The following DSG1 variants were observed in gnomAD, a reference collection of about 807,000 sequenced individuals.
DSG1 encodes the protein desmoglein 1, also known as desmoglein-1.
A neutral mutation model predicts 97.5 loss-of-function variants in DSG1; 39 were observed. The observed-to-expected ratio is 0.40, with a 90% CI of 0.31 to 0.52. The LOEUF is 0.52. Ranked by LOEUF, DSG1 falls within the 20% of genes least tolerant of loss-of-function variation. DSG1 has a pLI of 0.53. For synonymous variants in DSG1, 475 were observed against 443.4 expected, an observed-to-expected ratio of 1.07 and a Z score of -0.90; for missense variants, 1,311 against 1,295.4, an observed-to-expected ratio of 1.01 and a Z score of -0.18.
intron 11 of DSG1, 62 bp from the exon 12 acceptor site, chr18:31,343,388 G>C: frequency 1.0e-5 from 16 of 1,601,968 alleles, no homozygotes; most frequent in Non-Finnish European, 1.3e-5. Flanking sequence ...AAAAAATCAG[G>C]TTGTTTTGTT....
Position 31,328,294 on chromosome 18 carries a change from G to T in DSG1, c.322G>T (p.Glu108Ter). The T allele has an allele frequency of 6.2e-7, 1 of 1,613,472 alleles. No homozygotes were observed. The highest frequency in any genetic ancestry group is 1.1e-5 in the South Asian group (1 of 91,066). ...CTTTGTCATTAATCAGAAAACTGGT[G>T]AAATTAATATAACATCCATAGTTGA... ...GIFVINQKTG[E>*]INITSIVDRE... The change falls in exon 4 of 15, where the codon GAA (glutamate) becomes TAA (stop). Residue 108 changes from glutamate to a stop codon, truncating the protein, a stop_gained. Coordinates refer to ENST00000257192, the MANE Select transcript of DSG1 (RefSeq NM_001942.4). LOFTEE classifies it high-confidence loss of function.
chr18:31,348,203 G>C (rs1472366021), intron 14 of DSG1, among the ~76,000 whole-genome samples: 1 of 140,928 alleles, frequency 7.1e-6, no homozygotes, highest in Middle Eastern at 3.8e-3. Flanking sequence ...CCACCTATGA[G>C]TGAGAATATG....
chr18:31,332,923 G>A (rs1348303166), intron 6 of DSG1, among the ~76,000 whole-genome samples: 2 of 152,238 alleles, frequency 1.3e-5, no homozygotes, highest in South Asian at 2.1e-4. Context: ...CTGTAAGAAA[G>A]GGCTGTCAGA....
chr18:31,322,562 T>TTA (rs2071660933), intron 1 of DSG1, among the ~76,000 whole-genome samples: 1 of 152,204 alleles, frequency 6.6e-6, no homozygotes, highest in South Asian at 2.1e-4. Context: ...ATTCAACCCA[T>TTA]TAAGGTGCTG....
rs552985707 is a variant in DSG1, at chr18:31,332,043, C to G, written c.684+176C>G. Reference sequence around the variant, plus strand: ...TTTAAATGAAAAAGGGAGGATTTTTCAATTACGTTTTGTACTATTTTTCAT... The same window carrying G: ...TTTAAATGAAAAAGGGAGGATTTTTGAATTACGTTTTGTACTATTTTTCAT... On this transcript the variant is annotated intron_variant, in intron 6 of 14. Transcript: ENST00000257192. Among the ~76,000 whole-genome samples, 47 of 152,072 alleles carry G rather than the reference C, an allele frequency of 3.1e-4. 1 individual carries two copies. The highest frequency in any genetic ancestry group is 1.1e-3 in the African/African-American group (44 of 41,512).
rs1043556977 is a variant in DSG1 at position 31,331,585 on chromosome 18, G to C, written c.518-116G>C. Reference sequence around the variant, plus strand: ...GTTGAAGGAGTAGAAAGGGAAGACAGTGAAGTCCACATCATAAGGATCAAC... The same window carrying C: ...GTTGAAGGAGTAGAAAGGGAAGACACTGAAGTCCACATCATAAGGATCAAC... On this transcript the variant is annotated intron_variant, in intron 5 of 14. Transcript: ENST00000257192. 4 of 881,672 alleles carry C rather than the reference G, an allele frequency of 4.5e-6. No individual in the cohort carries two copies. The Admixed American group carries it at 8.1e-5, about 18-fold the overall frequency. The allele number at this position is 881,672 out of a possible 1,614,324, so 54.6% of individuals were successfully genotyped here. A position where few individuals can be genotyped will look rare whatever the true frequency, so the allele number is the denominator to read the frequency against.
In DSG1 at chr18:31,354,312, G is replaced by C. The variant is rs61730307; in HGVS notation, c.2116G>C (p.Ala706Pro). 1 of 1,614,084 alleles carries C rather than the reference G, an allele frequency of 6.2e-7. No individual in the cohort carries two copies. The highest frequency in any genetic ancestry group is 1.1e-5 in the South Asian group (1 of 91,086). Residue 706 changes from alanine (A) to proline (P), a missense_variant, in exon 15 of 15, where the codon GCA (alanine) becomes CCA (proline). Ala to Pro is a conservative substitution (Grantham distance 27, BLOSUM62 -1). Around this residue, in one of 3 missense-constraint regions of DSG1, gnomAD observed 1,038 missense variants for 964.6 expected, o/e 1.08. Coordinates refer to ENST00000257192, the MANE Select transcript of DSG1 (RefSeq NM_001942.4). ...SYFCQKAYAYADEDEGRPSND... is the reference protein window; with the variant it reads ...SYFCQKAYAYPDEDEGRPSND... ...ATAAATTCAGAAAGCATATGCTTACGCAGATGAAGATGAAGGACGCCCATC... is the reference window on the plus strand; with the variant it reads ...ATAAATTCAGAAAGCATATGCTTACCCAGATGAAGATGAAGGACGCCCATC...
intron 11 of DSG1, among the ~76,000 whole-genome samples, chr18:31,343,103 G>A (rs1461147879): frequency 2.0e-5 from 3 of 151,762 alleles, no homozygotes; most frequent in African/African-American, 7.3e-5. Context: ...GTAGAGATAG[G>A]GTTTCACCAT....
intron 8 of DSG1, among the ~76,000 whole-genome samples, chr18:31,334,429 A>G (rs1393639829): frequency 1.3e-5 from 2 of 152,148 alleles, no homozygotes. Context: ...TTGTCAATAC[A>G]GTACTCCCAA....
At position 31,354,414 on chromosome 18, in the gene DSG1, G is replaced by C. The variant is rs200136926; in HGVS notation, c.2218G>C (p.Gly740Arg). 1.9e-5 allele frequency: 31 copies of C among 1,614,172 alleles called. No homozygotes were observed. The highest frequency in any genetic ancestry group is 2.5e-5 in the Non-Finnish European group (30 of 1,180,024). Reference protein sequence around the residue: ...AGSVGCCSFIGEDLDDSFLDT... With the variant: ...AGSVGCCSFIREDLDDSFLDT... ...CTCTGTGGGTTGTTGTAGCTTCATTGGAGAAGACCTGGATGACAGCTTCTT... is the reference window on the plus strand; with the variant it reads ...CTCTGTGGGTTGTTGTAGCTTCATTCGAGAAGACCTGGATGACAGCTTCTT... Residue 740 changes from glycine (G) to arginine (R), a missense_variant, in exon 15 of 15, where the codon GGA (glycine) becomes CGA (arginine). Coordinates refer to ENST00000257192, the MANE Select transcript of DSG1 (RefSeq NM_001942.4).
intron 8 of DSG1, among the ~76,000 whole-genome samples, chr18:31,334,427 A>G (rs2071739676): frequency 6.6e-6 from 1 of 152,166 alleles, no homozygotes; most frequent in African/African-American, 2.4e-5. Flanking sequence ...GTTTGTCAAT[A>G]CAGTACTCCC....
At chr18:31,336,203 T>C in intron 8 of DSG1, 151 bp from the exon 9 acceptor site, 1 of 659,644 alleles carries the variant, frequency 1.5e-6, no homozygotes, top group South Asian at 2.3e-5. Context: ...CAATTAAAGA[T>C]TAAAAATTTA....
intron 13 of DSG1, among the ~76,000 whole-genome samples, chr18:31,344,415 G>T (rs1366759323): frequency 6.6e-6 from 1 of 152,034 alleles, no homozygotes; most frequent in Non-Finnish European, 1.5e-5. Flanking sequence ...ATTTATTGAG[G>T]CTAAAATCTT....
At chr18:31,336,807 A>C (rs1393393369) in intron 9 of DSG1, among the ~76,000 whole-genome samples, 194 bp downstream of exon 9, 4 of 152,198 alleles carry the variant, frequency 2.6e-5, no homozygotes, top group Non-Finnish European at 5.9e-5. Flanking sequence ...TGCAAGATGT[A>C]AGATGTTAAA....
intron 14 of DSG1, 35 bp from the exon 15 acceptor site, chr18:31,354,262 C>T: frequency 6.3e-7 from 1 of 1,578,646 alleles, no homozygotes; most frequent in Non-Finnish European, 8.7e-7. Flanking sequence ...AATATGCATT[C>T]ATAATTTCAT....
At position 31,343,565 on chromosome 18, in the gene DSG1, A is replaced by G. The variant is rs148241984; in HGVS notation, c.1803A>G (p.Gly601=). The change falls in exon 12 of 15, where the codon GGA becomes GGG. Residue 601 remains glycine (G), a synonymous_variant. Coordinates refer to ENST00000257192, the MANE Select transcript of DSG1 (RefSeq NM_001942.4). The part of the protein sequence containing the change: ...DGAIHSWAVE[G]PQPEPRDITT... The stretch of plus-strand genomic sequence containing the variant: ...CAATTCATTCATGGGCAGTAGAAGG[A>G]CCACAGCCTGAACCCAGGGTAAGTG... The G allele has an allele frequency of 1.0e-3, 1,635 of 1,614,106 alleles. 2 individuals are homozygous for G. The highest frequency in any genetic ancestry group is 1.3e-3 in the Non-Finnish European group (1,531 of 1,180,014).
intron 1 of DSG1, among the ~76,000 whole-genome samples, chr18:31,321,622 G>A (rs549226930): frequency 4.6e-5 from 7 of 152,200 alleles, no homozygotes; most frequent in East Asian, 3.9e-4. Flanking sequence ...ATTTATCATC[G>A]CTCAATTGGT....
intron 14 of DSG1, 75 bp from the exon 15 acceptor site, chr18:31,354,222 C>T: frequency 2.3e-6 from 3 of 1,332,316 alleles, no homozygotes; most frequent in South Asian, 1.2e-5. Context: ...GGAAGAAAAA[C>T]TAATGATAAA....
chr18:31,348,434 T>C (rs2071862061), intron 14 of DSG1, among the ~76,000 whole-genome samples: 1 of 151,810 alleles, frequency 6.6e-6, no homozygotes, highest in Admixed American at 6.5e-5. Flanking sequence ...AACATACGTG[T>C]GCATGTGTCT....
Sources: allele counts gnomAD v4.1 joint callset (sites outside exome capture counted in the v4.1 genomes callset), GRCh38; gene constraint gnomAD v4.1.1; regional missense constraint gnomAD v4.1.1; transcripts MANE v1.5; gene names NCBI Gene and HGNC (gene_info 2026-07-23, HGNC 2026-07-21).